NAV3: variants seen among roughly 807,000 people sequenced by gnomAD.
The protein encoded by NAV3 is neuron navigator 3.
In NAV3, 87 loss-of-function variants were observed where a neutral mutation model predicts 244.7. That is an observed-to-expected ratio of 0.36 (90% CI 0.30 to 0.42). The LOEUF (loss-of-function observed/expected upper bound fraction) is 0.42. Ranked by LOEUF, NAV3 falls within the 20% of genes least tolerant of loss-of-function variation. The pLI is 1.00. For missense variants in NAV3, 2,663 were observed against 2,893.3 expected (o/e 0.92, Z 1.83); for synonymous variants, 1,126 against 1,042.2 (o/e 1.08, Z -1.55).
intron 1 of NAV3, among the ~76,000 whole-genome samples, chr12:77,908,954 T>A (rs751847920): frequency 6.6e-6 from 1 of 152,098 alleles, no homozygotes; most frequent in African/African-American, 2.4e-5. Flanking sequence ...ATGGGCTGAC[T>A]GGATCCAAAT....
intron 2 of NAV3, among the ~76,000 whole-genome samples, chr12:77,682,106 C>A (rs767562264): frequency 6.6e-6 from 1 of 152,028 alleles, no homozygotes; most frequent in Non-Finnish European, 1.5e-5. Context: ...ATTTTGTGTT[C>A]TTTGACCAAC....
chr12:77,864,531 G>T (rs370180138), intron 1 of NAV3, among the ~76,000 whole-genome samples: 1 of 152,072 alleles, frequency 6.6e-6, no homozygotes, highest in South Asian at 2.1e-4. Flanking sequence ...AGGAGGCATA[G>T]TTTCTGAGAT....
Position 78,119,978 on chromosome 12 carries a change from T to A in NAV3, c.3749+33T>A, listed in dbSNP as rs777860600. The A allele has an allele frequency of 1.9e-6, 3 of 1,559,984 alleles. No individual in the cohort carries two copies. The South Asian group carries it at 3.5e-5, about 18-fold the overall frequency. ...TGTATAAAATGATGCTGGAAAAATATAAAGGATAAATATGTGTTAGACACA... is the reference window on the plus strand; with the variant it reads ...TGTATAAAATGATGCTGGAAAAATAAAAAGGATAAATATGTGTTAGACACA... On this transcript the variant is annotated intron_variant, in intron 15 of 39. Transcript: ENST00000397909.
At chr12:77,732,035 A>AAAAAT (rs1877148390) in intron 2 of NAV3, among the ~76,000 whole-genome samples, 1 of 151,956 alleles carries the variant, frequency 6.6e-6, no homozygotes, top group African/African-American at 2.4e-5. Context: ...AAAATAAGGC[A>AAAAAT]AAAACAAAAC....
intron 24 of NAV3, among the ~76,000 whole-genome samples, chr12:78,174,660 T>C (rs550841090): frequency 1.3e-5 from 2 of 152,026 alleles, no homozygotes; most frequent in East Asian, 3.9e-4. Context: ...TTGGAAGAAT[T>C]GCACTGTCTT....
chr12:77,670,774 G>A (rs778272341), intron 2 of NAV3, among the ~76,000 whole-genome samples: 15 of 152,098 alleles, frequency 9.9e-5, no homozygotes, highest in Non-Finnish European at 8.8e-5. Context: ...AATTGGCATA[G>A]AAGGGGCAAA....
intron 3 of NAV3, among the ~76,000 whole-genome samples, chr12:77,946,839 G>A (rs2050301136): frequency 1.3e-5 from 2 of 152,208 alleles, no homozygotes; most frequent in African/African-American, 2.4e-5. Context: ...TTGTTTCAAT[G>A]ACATTTAAAA....
chr12:77,701,841 T>C (rs1309245241), intron 2 of NAV3, among the ~76,000 whole-genome samples: 1 of 151,968 alleles, frequency 6.6e-6, no homozygotes, highest in Non-Finnish European at 1.5e-5. Flanking sequence ...AGAACATGTT[T>C]TGTAAGAGTT....
chr12:77,846,654 T>C (rs932989477), intron 1 of NAV3, among the ~76,000 whole-genome samples: 3 of 152,242 alleles, frequency 2.0e-5, no homozygotes, highest in African/African-American at 7.2e-5. Context: ...CTCATATTTA[T>C]CAATTTTTAA....
At chr12:78,131,197 C>G (rs1345298664) in intron 18 of NAV3, among the ~76,000 whole-genome samples, 1 of 152,176 alleles carries the variant, frequency 6.6e-6, no homozygotes, top group Non-Finnish European at 1.5e-5. Flanking sequence ...GGACAAGACT[C>G]AAGGCTATGT....
At chr12:77,669,891 TAC>T (rs1439731272) in intron 2 of NAV3, among the ~76,000 whole-genome samples, 6 of 151,868 alleles carry the variant, frequency 4.0e-5, no homozygotes, top group African/African-American at 1.4e-4. Context: ...CTGCAGAATA[TAC>T]ATTCTATTCA....
At chr12:77,921,458 G>T (rs565112694) in intron 1 of NAV3, among the ~76,000 whole-genome samples, 19 of 151,930 alleles carry the variant, frequency 1.3e-4, no homozygotes, top group Non-Finnish European at 2.8e-4. Flanking sequence ...TTACATAAAC[G>T]TTGGCAGCCT....
At chr12:78,177,899 G>A (rs1370554237) in intron 28 of NAV3, among the ~76,000 whole-genome samples, 1 of 146,306 alleles carries the variant, frequency 6.8e-6, no homozygotes, top group Non-Finnish European at 1.5e-5. Flanking sequence ...TTTTATGATA[G>A]CCCACTTTTT....
chr12:78,202,201 TG>T (rs1959785619), intron 38 of NAV3, among the ~76,000 whole-genome samples: 1 of 152,096 alleles, frequency 6.6e-6, no homozygotes. Context: ...GGATATACAT[TG>T]GATCTTTCAA....
chr12:77,982,159 A>G (rs1374767396), intron 5 of NAV3, among the ~76,000 whole-genome samples: 2 of 152,146 alleles, frequency 1.3e-5, no homozygotes, highest in South Asian at 2.1e-4. Flanking sequence ...CTTGATTTTT[A>G]TGTTTTGATG....
intron 2 of NAV3, among the ~76,000 whole-genome samples, chr12:77,628,245 A>C (rs1358725793): frequency 1.3e-5 from 2 of 152,232 alleles, no homozygotes; most frequent in Admixed American, 1.3e-4. Flanking sequence ...GCAGGTATTA[A>C]AATATCACAT....
intron 12 of NAV3, among the ~76,000 whole-genome samples, chr12:78,069,256 G>A (rs1593458346): frequency 6.6e-6 from 1 of 151,686 alleles, no homozygotes; most frequent in East Asian, 1.9e-4. Flanking sequence ...AGGATAAGTT[G>A]TAAATGACAG....
At chr12:77,853,548 A>G (rs773346237) in intron 1 of NAV3, among the ~76,000 whole-genome samples, 2 of 152,276 alleles carry the variant, frequency 1.3e-5, no homozygotes, top group Non-Finnish European at 2.9e-5. Flanking sequence ...TTTCAAAACT[A>G]TTCTATGCAA....
At position 78,064,466 on chromosome 12, in the gene NAV3, T is replaced by TGCCTGCCTGCCTGC. The variant is rs1566082445; in HGVS notation, c.2636+5351_2636+5352insGCCTGCCTGCCTGC. Among the ~76,000 whole-genome samples the TGCCTGCCTGCCTGC allele has an allele frequency of 2.2e-3, 261 of 117,976 alleles. 1 individual carries two copies. The highest frequency in any genetic ancestry group is 8.1e-3 in the African/African-American group (254 of 31,390). The allele number at this position is 117,976 out of a possible 152,430, so 77.4% of individuals were successfully genotyped here. The stretch of plus-strand genomic sequence containing the variant: ...GCCTGCCTGCCTGCCTGCCTGCCTG[T>TGCCTGCCTGCCTGC]CTGTCTATATAGAGAGAGGTCTTTG... On this transcript the variant is annotated intron_variant, in intron 12 of 39. Coordinates refer to ENST00000397909, the MANE Select transcript of NAV3 (RefSeq NM_001024383.2).
Sources: allele counts gnomAD v4.1 joint callset (sites outside exome capture counted in the v4.1 genomes callset), GRCh38; gene constraint gnomAD v4.1.1; transcripts MANE v1.5; gene names NCBI Gene and HGNC (gene_info 2026-07-23, HGNC 2026-07-21).